Variants in ADARB2 observed in about 807,000 individuals in gnomAD.
ADARB2 encodes inactive double-stranded RNA-specific editase B2.
ADARB2 carries 25 observed loss-of-function variants against 62.2 expected under a neutral mutation model. That is an observed-to-expected ratio of 0.40 (90% CI 0.29 to 0.56). ADARB2 has a LOEUF of 0.56. Among genes scored for constraint, ADARB2 ranks in the 20% least tolerant of loss-of-function variants. ADARB2 has a pLI of 0.43. For synonymous variants in ADARB2, 572 were observed against 500.8 expected (o/e 1.14, Z -1.90); for missense variants, 1,071 against 1,077.4 (o/e 0.99, Z 0.08).
At position 1,362,661 on chromosome 10, in the gene ADARB2, C is replaced by G. The variant is rs544052859; in HGVS notation, c.1077+367G>C. Among the ~76,000 whole-genome samples the G allele has an allele frequency of 3.3e-5, 5 of 152,306 alleles. No homozygotes were observed. In the East Asian group the frequency reaches 9.7e-4, roughly 30 times the overall value. On this transcript the variant is annotated intron_variant, in intron 3 of 9. Coordinates refer to ENST00000381312, the MANE Select transcript of ADARB2 (RefSeq NM_018702.4). ...CTGCTCCCAGGCACAGGGCGCCTCC[C>G]TGGTGGAAAACTTGACCCCAATTTT...
intron 8 of ADARB2, chr10:1,187,730 C>T (rs1836779977): frequency 4.6e-6 from 1 of 218,906 alleles, no homozygotes; most frequent in Non-Finnish European, 1.0e-5. Context: ...GGTGTGAACC[C>T]AGCACGTGCA....
intron 1 of ADARB2, among the ~76,000 whole-genome samples, chr10:1,476,199 G>A (rs1440665595): frequency 6.6e-6 from 1 of 152,208 alleles, no homozygotes; most frequent in African/African-American, 2.4e-5. Flanking sequence ...GAGAGGCAGA[G>A]AGAGAAAGGG....
chr10:1,664,021 A>G (rs971759281), intron 1 of ADARB2, among the ~76,000 whole-genome samples: 3 of 152,216 alleles, frequency 2.0e-5, no homozygotes, highest in African/African-American at 7.2e-5. Flanking sequence ...AGTTTTGGCA[A>G]TGATGAATAG....
intron 2 of ADARB2, among the ~76,000 whole-genome samples, chr10:1,370,275 A>ATTATTGGT (rs1832356984): frequency 4.1e-5 from 2 of 49,104 alleles, no homozygotes; most frequent in Non-Finnish European, 2.5e-4. Context: ...AAAACTGTCA[A>ATTATTGGT]CAAACTAGGC....
intron 4 of ADARB2, among the ~76,000 whole-genome samples, chr10:1,269,774 G>T (rs1220319170): frequency 6.6e-6 from 1 of 152,202 alleles, no homozygotes; most frequent in Non-Finnish European, 1.5e-5. Context: ...GTATGGCGGT[G>T]CCCAATTGAT....
At chr10:1,331,297 AT>A (rs1289673909) in intron 3 of ADARB2, among the ~76,000 whole-genome samples, 4 of 152,232 alleles carry the variant, frequency 2.6e-5, no homozygotes, top group African/African-American at 7.2e-5. Context: ...AAAACCACAT[AT>A]TCAAGTGTTC....
chr10:1,736,684 T>C (rs1835306212), intron 1 of ADARB2, among the ~76,000 whole-genome samples: 1 of 152,252 alleles, frequency 6.6e-6, no homozygotes, highest in East Asian at 1.9e-4. Context: ...GGTAATTCCT[T>C]TGGCACTGGG....
At chr10:1,445,131 A>G (rs1307163204) in intron 1 of ADARB2, among the ~76,000 whole-genome samples, 1 of 141,076 alleles carries the variant, frequency 7.1e-6, no homozygotes, top group Admixed American at 7.0e-5. Context: ...CCATCCATTT[A>G]CCATCCATTC....
At chr10:1,292,370 A>G (rs1377234626) in intron 3 of ADARB2, 2 of 152,248 alleles carry the variant, frequency 1.3e-5, no homozygotes, top group Non-Finnish European at 2.9e-5. Context: ...CAGGATTAGT[A>G]ATTGTCACTC....
intron 1 of ADARB2, among the ~76,000 whole-genome samples, chr10:1,712,219 G>C (rs1169705488): frequency 6.6e-6 from 1 of 152,122 alleles, no homozygotes; most frequent in Non-Finnish European, 1.5e-5. Context: ...TTCTTTTTAT[G>C]ACTCAATATT....
intron 3 of ADARB2, among the ~76,000 whole-genome samples, chr10:1,337,918 G>A (rs925231715): frequency 1.3e-5 from 2 of 152,180 alleles, no homozygotes; most frequent in African/African-American, 2.4e-5. Flanking sequence ...TCTTCACCTC[G>A]TGCACACTAT....
chr10:1,462,232 C>T (rs1479129876), intron 1 of ADARB2, among the ~76,000 whole-genome samples: 1 of 152,118 alleles, frequency 6.6e-6, no homozygotes, highest in Non-Finnish European at 1.5e-5. Flanking sequence ...GCTCAGGGCT[C>T]TGCCAGCTCC....
intron 1 of ADARB2, among the ~76,000 whole-genome samples, chr10:1,436,700 C>T (rs1830838402): frequency 6.6e-6 from 1 of 152,148 alleles, no homozygotes; most frequent in Non-Finnish European, 1.5e-5. Flanking sequence ...ACTGCCATTT[C>T]AAGTTTTACA....
At chr10:1,493,971 G>A (rs902669011) in intron 1 of ADARB2, among the ~76,000 whole-genome samples, 1 of 151,716 alleles carries the variant, frequency 6.6e-6, no homozygotes, top group Non-Finnish European at 1.5e-5. Flanking sequence ...GTCCAGGCTG[G>A]TCTTCAACTC....
intron 1 of ADARB2, among the ~76,000 whole-genome samples, chr10:1,652,938 T>C (rs1834129322): frequency 6.6e-6 from 1 of 152,146 alleles, no homozygotes; most frequent in Non-Finnish European, 1.5e-5. Flanking sequence ...GCTCTACTCC[T>C]CTTCTGCCAA....
chr10:1,249,263 C>T (rs11250361), intron 4 of ADARB2, among the ~76,000 whole-genome samples: 1,673 of 152,070 alleles, frequency 0.011, 36 homozygotes, highest in African/African-American at 0.038. Context: ...GCAACATAGC[C>T]AGACCCCAAG....
intron 1 of ADARB2, among the ~76,000 whole-genome samples, chr10:1,521,175 G>A (rs1832069994): frequency 6.6e-6 from 1 of 152,122 alleles, no homozygotes; most frequent in African/African-American, 2.4e-5. Flanking sequence ...GAAACTGCAT[G>A]TTTAAAAGCT....
chr10:1,461,110 A>G (rs1258430264), intron 1 of ADARB2, among the ~76,000 whole-genome samples: 1 of 152,250 alleles, frequency 6.6e-6, no homozygotes, highest in Non-Finnish European at 1.5e-5. Flanking sequence ...TAAAATCAGT[A>G]TCTGCTGCAC....
chr10:1,238,569 C>G (rs1403756450), intron 5 of ADARB2, among the ~76,000 whole-genome samples: 1 of 5,518 alleles, frequency 1.8e-4, no homozygotes, highest in Non-Finnish European at 3.5e-4. Context: ...ACTCCCCTCT[C>G]CCTCCCGGTG....
Sources: gnomAD v4.1 joint callset for allele counts (sites outside exome capture counted in the v4.1 genomes callset) on GRCh38, gnomAD v4.1.1 for gene constraint, MANE v1.5 for transcripts, NCBI Gene and HGNC (gene_info 2026-07-23, HGNC 2026-07-21) for gene names.